Variants in HYCC1 observed in about 807,000 individuals in gnomAD.
HYCC1 encodes hyccin.
chr7:22,916,143 C>T, the HYCC1 span, among the ~76,000 whole-genome samples: 17 of 152,258 alleles, frequency 1.1e-4, no homozygotes, highest in Admixed American at 7.2e-4. Context: ...TGTTATCGCT[C>T]GCCTGTTACA....
At chr7:22,981,769 T>G in the HYCC1 span, among the ~76,000 whole-genome samples, 1 of 152,208 alleles carries the variant, frequency 6.6e-6, no homozygotes, top group Non-Finnish European at 1.5e-5. Flanking sequence ...TTTATCAGAG[T>G]ATACATCAGT....
chr7:22,946,239 A>G, the HYCC1 span: 2 of 1,168,920 alleles, frequency 1.7e-6, no homozygotes, highest in Admixed American at 2.1e-5. Context: ...ACACCAAATC[A>G]GTTATGCTTT....
chr7:22,945,774 T>C, the HYCC1 span: 40 of 1,613,770 alleles, frequency 2.5e-5, no homozygotes, highest in Non-Finnish European at 3.1e-5. Flanking sequence ...TGTGGGACTG[T>C]GACACCACTG....
the HYCC1 span, among the ~76,000 whole-genome samples, chr7:22,966,822 A>G: frequency 6.6e-6 from 1 of 152,202 alleles, no homozygotes. Flanking sequence ...TTGATATTAG[A>G]GGATCCCAGA....
At chr7:22,945,599 G>T in the HYCC1 span, 1 of 1,595,670 alleles carries the variant, frequency 6.3e-7, no homozygotes, top group South Asian at 1.1e-5. Context: ...TTAATCTGTG[G>T]ACAGAGTAAT....
the HYCC1 span, chr7:22,941,463 T>C: frequency 6.6e-6 from 1 of 151,972 alleles, no homozygotes; most frequent in Non-Finnish European, 1.5e-5. Flanking sequence ...AGGAATACAA[T>C]TAGAAACAAA....
chr7:22,910,041 A>G, the HYCC1 span, among the ~76,000 whole-genome samples: 2 of 152,236 alleles, frequency 1.3e-5, no homozygotes, highest in East Asian at 3.8e-4. Flanking sequence ...TCCAGACCAG[A>G]AAATATGCAC....
the HYCC1 span, among the ~76,000 whole-genome samples, chr7:23,006,343 T>C: frequency 6.6e-6 from 1 of 152,120 alleles, no homozygotes. Context: ...CTTGGCTCAC[T>C]GCAAGCTCTG....
the HYCC1 span, among the ~76,000 whole-genome samples, chr7:22,994,323 G>A: frequency 6.6e-6 from 1 of 152,192 alleles, no homozygotes; most frequent in African/African-American, 2.4e-5. Flanking sequence ...GGAAAACAGA[G>A]TACATACTAT....
At chr7:22,986,869 C>T in the HYCC1 span, among the ~76,000 whole-genome samples, 1 of 152,066 alleles carries the variant, frequency 6.6e-6, no homozygotes, top group Non-Finnish European at 1.5e-5. Flanking sequence ...ACAACAACAA[C>T]AAAATTTGAA....
chr7:22,972,268 C>CT, the HYCC1 span, among the ~76,000 whole-genome samples: 1 of 152,012 alleles, frequency 6.6e-6, no homozygotes, highest in Non-Finnish European at 1.5e-5. Context: ...CAAAGCTGCC[C>CT]TTAATTGACA....
chr7:22,919,974 T>C, the HYCC1 span, among the ~76,000 whole-genome samples: 18 of 151,978 alleles, frequency 1.2e-4, 1 homozygote, highest in South Asian at 3.1e-3. Flanking sequence ...CCAAGGAAAA[T>C]AGATGCAAAG....
the HYCC1 span, among the ~76,000 whole-genome samples, chr7:22,984,265 G>C: frequency 6.6e-6 from 1 of 151,972 alleles, no homozygotes; most frequent in Admixed American, 6.6e-5. Context: ...CAAAAACCAA[G>C]GCAAGGTAAA....
At chr7:22,947,360 G>T in the HYCC1 span, 1 of 791,060 alleles carries the variant, frequency 1.3e-6, no homozygotes, top group Non-Finnish European at 2.0e-6. Context: ...TATGAATTAA[G>T]CCAAATATTT....
chr7:22,900,609 T>G, the HYCC1 span, among the ~76,000 whole-genome samples: 1 of 152,098 alleles, frequency 6.6e-6, no homozygotes, highest in Non-Finnish European at 1.5e-5. Flanking sequence ...ATCATTAAAA[T>G]AGCAATACAA....
the HYCC1 span, among the ~76,000 whole-genome samples, chr7:22,932,907 TA>T: frequency 6.6e-6 from 1 of 152,144 alleles, no homozygotes; most frequent in African/African-American, 2.4e-5. Flanking sequence ...GAGTGAACCC[TA>T]AATCCAATAA....
chr7:22,979,453 AG>A, the HYCC1 span, among the ~76,000 whole-genome samples: 1 of 152,280 alleles, frequency 6.6e-6, no homozygotes, highest in Non-Finnish European at 1.5e-5. Flanking sequence ...AGAAAAACAG[AG>A]GGGCAGGAGG....
At chr7:22,949,618 C>T in the HYCC1 span, among the ~76,000 whole-genome samples, 1 of 151,418 alleles carries the variant, frequency 6.6e-6, no homozygotes, top group Admixed American at 6.6e-5. Flanking sequence ...TTAAGAGATG[C>T]CAATGAAAGC....
At chr7:22,997,604 A>AT in the HYCC1 span, among the ~76,000 whole-genome samples, 1 of 152,198 alleles carries the variant, frequency 6.6e-6, no homozygotes, top group East Asian at 1.9e-4. Flanking sequence ...TAATTTTAGG[A>AT]TTTTGCTGCT....
Sources: allele counts gnomAD v4.1 joint callset (sites outside exome capture counted in the v4.1 genomes callset), GRCh38; gene constraint gnomAD v4.1.1; transcripts MANE v1.5; gene names NCBI Gene and HGNC (gene_info 2026-07-23, HGNC 2026-07-21).